Variants in SLC5A9 observed in about 807,000 individuals in gnomAD.
SLC5A9 encodes solute carrier family 5 member 9.
A neutral mutation model predicts 70.9 loss-of-function variants in SLC5A9; 59 were observed. The observed-to-expected ratio is 0.83, with a 90% CI of 0.68 to 1.03. The LOEUF (loss-of-function observed/expected upper bound fraction) is 1.03. Ranked by LOEUF, SLC5A9 falls within the 50% of genes least tolerant of loss-of-function variation. The pLI, the probability that SLC5A9 is intolerant of heterozygous loss-of-function variation, is 0.00. For synonymous variants in SLC5A9, 340 were observed against 346.5 expected (o/e 0.98, Z 0.21); for missense variants, 832 against 881.1 (o/e 0.94, Z 0.71).
chr1:48,224,377 T>C (rs1245049488), intron 1 of SLC5A9, among the ~76,000 whole-genome samples: 1 of 152,130 alleles, frequency 6.6e-6, no homozygotes, highest in African/African-American at 2.4e-5. Flanking sequence ...ACTACACATC[T>C]AAGGAGGTGA....
Position 48,222,878 on chromosome 1 carries a change from G to A in SLC5A9, c.142G>A (p.Val48Ile), listed in dbSNP as rs201589009. Residue 48 changes from valine to isoleucine, a missense_variant, in exon 1 of 14, where the codon GTC (valine) becomes ATC (isoleucine). Physicochemically the swap from Val to Ile is conservative, Grantham distance 29. Transcript: ENST00000438567. Reference protein sequence around the residue: ...ISVVVIYFVFVIAVGIWSSIR... With the variant: ...ISVVVIYFVFIIAVGIWSSIR... The stretch of plus-strand genomic sequence containing the variant: ...CGTGGTGGTCATCTACTTTGTCTTC[G>A]TCATTGCTGTGGGGATCTGGGTAAG... 300 of 1,614,018 alleles carry A rather than the reference G, an allele frequency of 1.9e-4. No individual in the cohort carries two copies. The highest frequency in any genetic ancestry group is 2.3e-4 in the Non-Finnish European group (276 of 1,179,978).
At chr1:48,238,847 T>C (rs1644360382) in intron 11 of SLC5A9, among the ~76,000 whole-genome samples, 1 of 152,194 alleles carries the variant, frequency 6.6e-6, no homozygotes, top group Non-Finnish European at 1.5e-5. Flanking sequence ...AGAGCTTTTC[T>C]TAAAAACAAC....
intron 2 of SLC5A9, 154 bp from the exon 3 acceptor site, chr1:48,228,696 C>A: frequency 6.3e-6 from 8 of 1,268,620 alleles, no homozygotes; most frequent in Non-Finnish European, 8.5e-6. Flanking sequence ...CCCCTCCCTG[C>A]GGATATCTGT....
chr1:48,230,725 C>T lies in SLC5A9; in HGVS notation c.610+20C>T, dbSNP rs541382144. 1 of 1,579,122 alleles carries T rather than the reference C, an allele frequency of 6.3e-7. No individual in the cohort carries two copies. Among genetic ancestry groups the T allele is most frequent in the Admixed American group, 1.7e-5 (1 of 59,842 alleles). ...TTGCAGGTAGGCAGAGGGAAGAGGGCAAGAGGAAAGCTTCTGACTGGCAGA... is the reference window on the plus strand; with the variant it reads ...TTGCAGGTAGGCAGAGGGAAGAGGGTAAGAGGAAAGCTTCTGACTGGCAGA... On this transcript the variant is annotated intron_variant, in intron 5 of 13. Transcript: ENST00000438567.
chr1:48,231,648 C>A lies in SLC5A9; in HGVS notation c.691+23C>A, dbSNP rs1039713981. On this transcript the variant is annotated intron_variant, in intron 6 of 13. Coordinates refer to ENST00000438567, the MANE Select transcript of SLC5A9 (RefSeq NM_001011547.3). ...TGGGTAAGGAAGAGACCTAAATATA[C>A]CCCACTGTCATTCTTAAATTCCTCT... The A allele has an allele frequency of 3.7e-6, 6 of 1,613,026 alleles. No individual in the cohort carries two copies. The Admixed American group carries it at 6.7e-5, about 18-fold the overall frequency.
rs1557486574 is a variant in SLC5A9 at position 48,244,911 on chromosome 1, A to ATATATATATATAT, written c.1837+2295_1837+2296insTATATATATATAT. Reference sequence around the variant, plus strand: ...ATATATATATATATATATATATATAAAACCTCTGTCTCAGAAGGTTGCCAA... The same window carrying ATATATATATATAT: ...ATATATATATATATATATATATATAATATATATATATATAACCTCTGTCTCAGAAGGTTGCCAA... On this transcript the variant is annotated intron_variant, in intron 13 of 13. Transcript: ENST00000438567. 3.4e-4 allele frequency among the ~76,000 whole-genome samples: 8 copies of ATATATATATATAT among 23,384 alleles called. 1 individual carries two copies. Among genetic ancestry groups the ATATATATATATAT allele is most frequent in the African/African-American group, 7.6e-4 (8 of 10,528 alleles). 15.3% of individuals were successfully genotyped at this position (23,384 alleles called of 152,430 possible). A position where few individuals can be genotyped will look rare whatever the true frequency, so the allele number is the denominator to read the frequency against.
At position 48,247,279 on chromosome 1, in the gene SLC5A9, A is replaced by G. The variant is rs574709733; in HGVS notation, c.1838-56A>G. On this transcript the variant is annotated intron_variant, in intron 13 of 13. Transcript: ENST00000438567. ...CTCTCCTATCACTTTCCTTTCTCCA[A>G]TCTTCTTTGCCTCTCCCCTCCTGCT... 1.4e-3 allele frequency: 2,143 copies of G among 1,541,946 alleles called. 6 individuals are homozygous for G. Among genetic ancestry groups the G allele is most frequent in the Non-Finnish European group, 1.6e-3 (1,846 of 1,121,572 alleles).
chr1:48,230,172 A>G (rs184713462), intron 4 of SLC5A9, among the ~76,000 whole-genome samples: 142 of 152,322 alleles, frequency 9.3e-4, no homozygotes, highest in Non-Finnish European at 1.7e-3. Flanking sequence ...CTCCTGCCGC[A>G]TTGGGTCAGC....
chr1:48,238,946 A>G (rs1355823337), intron 11 of SLC5A9, among the ~76,000 whole-genome samples: 1 of 152,246 alleles, frequency 6.6e-6, no homozygotes, highest in African/African-American at 2.4e-5. Context: ...GATTATTACA[A>G]AAGTTTATTC....
Position 48,228,838 on chromosome 1 carries a change from T to C in SLC5A9, c.235-12T>C. The stretch of plus-strand genomic sequence containing the variant: ...CCTGACTCCTGACCCTTGACCCAAC[T>C]GTGCCTTGCAGATTGGAGCATCTCT... On this transcript the variant is annotated splice_polypyrimidine_tract_variant and intron_variant, in intron 2 of 13. Transcript: ENST00000438567. 1 of 1,613,594 alleles carries C rather than the reference T, an allele frequency of 6.2e-7. No homozygotes were observed. The highest frequency in any genetic ancestry group is 8.5e-7 in the Non-Finnish European group (1 of 1,179,826).
chr1:48,243,481 G>C (rs1161311396), intron 13 of SLC5A9, among the ~76,000 whole-genome samples: 1 of 152,154 alleles, frequency 6.6e-6, no homozygotes, highest in Non-Finnish European at 1.5e-5. Flanking sequence ...ATGATTTGAG[G>C]TACCTGTGTT....
intron 13 of SLC5A9, 26 bp downstream of exon 13, chr1:48,242,642 C>T (rs780159556): frequency 1.3e-5 from 21 of 1,588,314 alleles, no homozygotes; most frequent in Non-Finnish European, 1.8e-5. Flanking sequence ...CCGGGGGATA[C>T]TCATCACAGA....
chr1:48,224,933 C>T, intron 2 of SLC5A9, 138 bp downstream of exon 2: 3 of 855,202 alleles, frequency 3.5e-6, no homozygotes, highest in Admixed American at 4.5e-5. Context: ...ACTCTGGGCC[C>T]CTTCTCTCCC....
rs1476211880 is a variant in SLC5A9 at position 48,229,384 on chromosome 1, G to A, written c.429G>A (p.Lys143=). The A allele has an allele frequency of 2.5e-6, 4 of 1,614,156 alleles. No homozygotes were observed. The highest frequency in any genetic ancestry group is 2.2e-5 in the South Asian group (2 of 91,088). The change falls in exon 4 of 14, where the codon AAG becomes AAA. Residue 143 remains lysine, a synonymous_variant. Coordinates refer to ENST00000438567, the MANE Select transcript of SLC5A9 (RefSeq NM_001011547.3). ...TCACAATGCCGCAGTATCTGAAGAA[G>A]CGATTTGGGGGCCAGAGGATCCAGG... ...GVVTMPQYLK[K]RFGGQRIQVY... is the part of the protein sequence containing the mutation.
intron 10 of SLC5A9, among the ~76,000 whole-genome samples, chr1:48,236,321 C>T (rs1569850266): frequency 6.6e-6 from 1 of 152,122 alleles, no homozygotes; most frequent in South Asian, 2.1e-4. Context: ...AGGGGACCCA[C>T]GGATGGGTCA....
At chr1:48,235,453 G>C (rs1204856351) in intron 9 of SLC5A9, among the ~76,000 whole-genome samples, 4 of 152,174 alleles carry the variant, frequency 2.6e-5, no homozygotes, top group African/African-American at 7.2e-5. Flanking sequence ...TAATAGGATA[G>C]ATGAGGAAAC....
intron 11 of SLC5A9, 48 bp downstream of exon 11, chr1:48,237,895 C>T (rs1346948220): frequency 6.3e-7 from 1 of 1,589,406 alleles, no homozygotes; most frequent in East Asian, 2.3e-5. Flanking sequence ...GGGCTGGAGA[C>T]CTGGTCTGTC....
In SLC5A9 at chr1:48,232,453, C is replaced by G; in HGVS notation, c.984C>G (p.Pro328=). ...TGGGGGGCTACCTGAAGATCCTCCC[C>G]ATGTTCTTCATCGTCATGCCTGGCA... ...SVLGGYLKIL[P]MFFIVMPGMI... Residue 328 remains proline, a synonymous_variant, in exon 8 of 14, where the codon CCC becomes CCG. Transcript: ENST00000438567. The G allele has an allele frequency of 1.2e-6, 2 of 1,614,220 alleles. No homozygotes were observed. Among genetic ancestry groups the G allele is most frequent in the Non-Finnish European group, 1.7e-6 (2 of 1,180,036 alleles).
Position 48,232,463 on chromosome 1 carries a change from A to C in SLC5A9, c.994A>C (p.Ile332Leu). ...CCTGAAGATCCTCCCCATGTTCTTCATCGTCATGCCTGGCATGATCAGCCG... is the reference window on the plus strand; with the variant it reads ...CCTGAAGATCCTCCCCATGTTCTTCCTCGTCATGCCTGGCATGATCAGCCG... ...GYLKILPMFF[I>L]VMPGMISRAL... The change falls in exon 8 of 14, where the codon ATC becomes CTC. Residue 332 changes from isoleucine (I) to leucine (L), a missense_variant. Ile to Leu is a conservative substitution (Grantham distance 5). Coordinates refer to ENST00000438567, the MANE Select transcript of SLC5A9 (RefSeq NM_001011547.3). 6.2e-7 allele frequency: 1 copy of C among 1,614,190 alleles called. No individual in the cohort carries two copies. Among genetic ancestry groups the C allele is most frequent in the Non-Finnish European group, 8.5e-7 (1 of 1,180,032 alleles).
Sources: gnomAD v4.1 joint callset for allele counts (sites outside exome capture counted in the v4.1 genomes callset) on GRCh38, gnomAD v4.1.1 for gene constraint, MANE v1.5 for transcripts, NCBI Gene and HGNC (gene_info 2026-07-23, HGNC 2026-07-21) for gene names.